The following FARP2 variants were observed in gnomAD, a reference collection of about 807,000 sequenced individuals.
The protein encoded by FARP2 is FERM, ARHGEF and pleckstrin domain-containing protein 2.
In FARP2, 111 loss-of-function variants were observed where a neutral mutation model predicts 130.5. The observed-to-expected ratio is 0.85, with a 90% CI of 0.73 to 1.00. The LOEUF is 1.00. Ranked by LOEUF, FARP2 falls within the 50% of genes least tolerant of loss-of-function variation. The pLI is 0.00. For synonymous variants in FARP2, 504 were observed against 516.9 expected, an observed-to-expected ratio of 0.98 and a Z score of 0.34; for missense variants, 1,385 against 1,346.3, an observed-to-expected ratio of 1.03 and a Z score of -0.45.
chr2:241,356,476 C>G (rs1271045486), intron 1 of FARP2, 88 bp downstream of exon 1: 2 of 152,184 alleles, frequency 1.3e-5, no homozygotes, highest in African/African-American at 2.4e-5. Flanking sequence ...GCGAGAGGCC[C>G]AGGCGGGGGG....
chr2:241,425,046 C>A (rs996308597), intron 8 of FARP2, among the ~76,000 whole-genome samples: 5 of 152,030 alleles, frequency 3.3e-5, no homozygotes, highest in African/African-American at 1.2e-4. Context: ...CCTGTCTCTA[C>A]TAATATAATA....
intron 5 of FARP2, among the ~76,000 whole-genome samples, chr2:241,408,379 AAAAAG>A (rs1304089700): frequency 2.0e-5 from 3 of 152,116 alleles, no homozygotes; most frequent in Admixed American, 6.5e-5. Context: ...CTCAAAAAAA[AAAAAG>A]AAAAGAAAAT....
At chr2:241,492,837 G>A in intron 24 of FARP2, 92 bp from the exon 25 acceptor site, 1 of 727,874 alleles carries the variant, frequency 1.4e-6, no homozygotes, top group Non-Finnish European at 2.5e-6. Context: ...GCTGGAGAAA[G>A]CATGCAGAGG....
chr2:241,422,969 G>A (rs2062848638), intron 8 of FARP2, among the ~76,000 whole-genome samples: 1 of 152,172 alleles, frequency 6.6e-6, no homozygotes, highest in African/African-American at 2.4e-5. Context: ...TATGTGAAGA[G>A]ACCAAACCTA....
intron 6 of FARP2, 129 bp downstream of exon 6, chr2:241,411,259 A>G: frequency 1.5e-6 from 1 of 649,254 alleles, no homozygotes; most frequent in Admixed American, 2.6e-5. Context: ...AGGTGTTTCA[A>G]CTTCAGTGTT....
chr2:241,447,155 T>G (rs776018848), intron 13 of FARP2: 27 of 152,254 alleles, frequency 1.8e-4, no homozygotes, highest in Non-Finnish European at 3.4e-4. Context: ...TTAAATGGGC[T>G]TTTTAGCTTT....
At chr2:241,402,855 T>TATATATATAC (rs1559734875) in intron 2 of FARP2, among the ~76,000 whole-genome samples, 3 of 11,486 alleles carry the variant, frequency 2.6e-4, no homozygotes, top group East Asian at 2.0e-3. Flanking sequence ...TATATATATA[T>TATATATATAC]ATATATATAT....
chr2:241,360,369 G>A (rs890742048), intron 1 of FARP2, among the ~76,000 whole-genome samples: 6 of 152,140 alleles, frequency 3.9e-5, no homozygotes, highest in East Asian at 1.9e-4. Context: ...GGCTGGGAGC[G>A]GTGGCTCACG....
chr2:241,468,105 C>T (rs2064221063), intron 17 of FARP2, 35 bp from the exon 18 acceptor site: 3 of 1,392,960 alleles, frequency 2.2e-6, no homozygotes, highest in Non-Finnish European at 3.1e-6. Flanking sequence ...TCCTACATCT[C>T]CTCACCTAAA....
chr2:241,446,950 T>C (rs1276560027), intron 13 of FARP2: 1 of 152,190 alleles, frequency 6.6e-6, no homozygotes, highest in Non-Finnish European at 1.5e-5. Flanking sequence ...CCCTAGGAAA[T>C]GAAGAAAAAA....
At chr2:241,435,121 T>A in intron 11 of FARP2, 91 bp downstream of exon 11, 2 of 693,392 alleles carry the variant, frequency 2.9e-6, no homozygotes, top group Non-Finnish European at 4.7e-6. Flanking sequence ...AGAGACTGAG[T>A]CTTGCTCCGT....
intron 15 of FARP2, among the ~76,000 whole-genome samples, chr2:241,463,045 T>C (rs1196735594): frequency 2.0e-5 from 3 of 152,230 alleles, no homozygotes; most frequent in Non-Finnish European, 4.4e-5. Context: ...TTGTTAAATA[T>C]ATCTGTTTTA....
chr2:241,487,746 C>CTTTTTTTTTTTTTTTT (rs1167750549), intron 21 of FARP2, among the ~76,000 whole-genome samples: 6 of 73,232 alleles, frequency 8.2e-5, no homozygotes, highest in South Asian at 6.0e-4. Context: ...CTAGCCTACT[C>CTTTTTTTTTTTTTTTT]TTTTTTTTTT....
intron 1 of FARP2, among the ~76,000 whole-genome samples, chr2:241,359,472 C>T (rs2061135727): frequency 6.6e-6 from 1 of 152,174 alleles, no homozygotes; most frequent in African/African-American, 2.4e-5. Context: ...AACCCCAGGC[C>T]ACCTCCCCAC....
intron 2 of FARP2, among the ~76,000 whole-genome samples, chr2:241,376,139 T>G (rs976210255): frequency 3.9e-5 from 6 of 152,152 alleles, no homozygotes; most frequent in South Asian, 2.1e-4. Flanking sequence ...ACCCACACAT[T>G]TGGCACCCTG....
intron 19 of FARP2, 121 bp downstream of exon 19, chr2:241,476,108 C>A (rs73006397): frequency 3.7e-6 from 3 of 818,232 alleles, no homozygotes; most frequent in Admixed American, 2.7e-5. Context: ...CACAGTGGCT[C>A]ATACCTGTAA....
At chr2:241,380,586 A>G (rs1034854736) in intron 2 of FARP2, among the ~76,000 whole-genome samples, 2 of 151,998 alleles carry the variant, frequency 1.3e-5, no homozygotes, top group African/African-American at 4.8e-5. Context: ...GAAAATCCAA[A>G]ACCTGAATTG....
At chr2:241,410,139 T>TAAACAAATGAAA (rs1200375831) in intron 5 of FARP2, among the ~76,000 whole-genome samples, 1 of 152,220 alleles carries the variant, frequency 6.6e-6, no homozygotes, top group Non-Finnish European at 1.5e-5. Context: ...TAAATGAACA[T>TAAACAAATGAAA]ATAAATATTT....
At chr2:241,417,310 A>G (rs892492937) in intron 7 of FARP2, among the ~76,000 whole-genome samples, 1 of 149,944 alleles carries the variant, frequency 6.7e-6, no homozygotes, top group African/African-American at 2.5e-5. Flanking sequence ...AAAAAAAAAG[A>G]AAAGAAAAGA....
Sources: gnomAD v4.1 joint callset for allele counts (sites outside exome capture counted in the v4.1 genomes callset) on GRCh38, gnomAD v4.1.1 for gene constraint, MANE v1.5 for transcripts, NCBI Gene and HGNC (gene_info 2026-07-23, HGNC 2026-07-21) for gene names.